The following RTN1 variants were observed in gnomAD, a reference collection of about 807,000 sequenced individuals.
The protein encoded by RTN1 is reticulon-1.
RTN1 carries 25 observed loss-of-function variants against 65.5 expected under a neutral mutation model. That is an observed-to-expected ratio of 0.38 (90% CI 0.28 to 0.53). The LOEUF (loss-of-function observed/expected upper bound fraction) is 0.53, where lower values mean the gene tolerates loss of function less well. Ranked by LOEUF, RTN1 falls within the 20% of genes least tolerant of loss-of-function variation. The pLI, the probability that RTN1 is intolerant of heterozygous loss-of-function variation, is 0.79. For missense variants in RTN1, 983 were observed against 1,025.4 expected (o/e 0.96, Z 0.57); for synonymous variants, 471 against 447.6 (o/e 1.05, Z -0.66).
chr14:59,711,118 AT>A (rs1884410198), intron 3 of RTN1, among the ~76,000 whole-genome samples: 1 of 152,166 alleles, frequency 6.6e-6, no homozygotes, highest in Non-Finnish European at 1.5e-5. Context: ...CTTGTTTTTA[AT>A]TGGGTTCTGC....
chr14:59,834,981 C>T (rs1194359567), intron 1 of RTN1, among the ~76,000 whole-genome samples: 1 of 152,160 alleles, frequency 6.6e-6, no homozygotes, highest in Non-Finnish European at 1.5e-5. Flanking sequence ...ACTTTATGAT[C>T]CAGCCATTCT....
chr14:59,652,905 G>A (rs1235635946), intron 3 of RTN1, among the ~76,000 whole-genome samples: 16 of 151,584 alleles, frequency 1.1e-4, no homozygotes, highest in East Asian at 5.8e-4. Context: ...AAAGAAAAAC[G>A]AAAAAAGTAC....
intron 1 of RTN1, among the ~76,000 whole-genome samples, chr14:59,748,145 CA>C (rs1566710232): frequency 6.7e-6 from 1 of 150,108 alleles, no homozygotes; most frequent in Non-Finnish European, 1.5e-5. Flanking sequence ...GATTCACACC[CA>C]AGTAACCTGG....
intron 1 of RTN1, among the ~76,000 whole-genome samples, chr14:59,767,938 T>A (rs186364773): frequency 1.3e-5 from 2 of 152,336 alleles, no homozygotes; most frequent in African/African-American, 4.8e-5. Context: ...AACCAGCCAG[T>A]GACAATCGTA....
chr14:59,687,042 T>C (rs1378535798), intron 3 of RTN1, among the ~76,000 whole-genome samples: 1 of 152,158 alleles, frequency 6.6e-6, no homozygotes, highest in Non-Finnish European at 1.5e-5. Context: ...GGAATTGTGC[T>C]TTCTCCTGTT....
At chr14:59,632,206 C>T (rs1882570344) in intron 3 of RTN1, among the ~76,000 whole-genome samples, 1 of 152,132 alleles carries the variant, frequency 6.6e-6, no homozygotes, top group Admixed American at 6.5e-5. Context: ...AGAGCTCCCA[C>T]AGGGCTGATG....
At chr14:59,820,548 C>A (rs1886925687) in intron 1 of RTN1, among the ~76,000 whole-genome samples, 1 of 151,900 alleles carries the variant, frequency 6.6e-6, no homozygotes, top group African/African-American at 2.4e-5. Flanking sequence ...ACACTTAAGT[C>A]TTTAATTCAT....
intron 1 of RTN1, among the ~76,000 whole-genome samples, chr14:59,759,652 T>C (rs11628085): frequency 0.46 from 69,955 of 151,414 alleles, 17,994 homozygotes; most frequent in African/African-American, 0.7. Context: ...AAGGGGAAGT[T>C]CCCCTAATAT....
intron 3 of RTN1, among the ~76,000 whole-genome samples, chr14:59,611,752 A>G (rs563972399): frequency 6.6e-6 from 1 of 152,224 alleles, no homozygotes; most frequent in Non-Finnish European, 1.5e-5. Flanking sequence ...TTTCTCAGAC[A>G]GAGAATAGGA....
rs559130299 is a variant in RTN1 at position 59,748,397 on chromosome 14, T to C, written c.242-1916A>G. 5.3e-5 allele frequency among the ~76,000 whole-genome samples: 8 copies of C among 152,106 alleles called. No individual in the cohort carries two copies. The South Asian group carries it at 1.2e-3, about 24-fold the overall frequency. ...CAGCGGCTTTGCACTAGCTGTTTCC[T>C]TTTCTTGGAACTCTCTTCTCCTAGA... On this transcript the variant is annotated intron_variant, in intron 1 of 8. Coordinates refer to ENST00000267484, the MANE Select transcript of RTN1 (RefSeq NM_021136.3).
intron 1 of RTN1, among the ~76,000 whole-genome samples, chr14:59,784,488 T>TATTG (rs1313248236): frequency 6.6e-6 from 1 of 152,114 alleles, no homozygotes; most frequent in Non-Finnish European, 1.5e-5. Context: ...CAACTTTAAT[T>TATTG]ATTGCATCTA....
At chr14:59,734,996 G>A (rs901110626) in intron 2 of RTN1, among the ~76,000 whole-genome samples, 14 of 151,986 alleles carry the variant, frequency 9.2e-5, no homozygotes, top group Non-Finnish European at 1.5e-5. Flanking sequence ...AGAAAGACCA[G>A]GACATCTATA....
intron 1 of RTN1, among the ~76,000 whole-genome samples, chr14:59,781,464 C>G (rs905054580): frequency 6.6e-6 from 1 of 151,930 alleles, no homozygotes; most frequent in Admixed American, 6.6e-5. Flanking sequence ...GGAACATAAA[C>G]TTAAAATATG....
intron 1 of RTN1, among the ~76,000 whole-genome samples, chr14:59,834,517 GA>G (rs1887181118): frequency 6.6e-6 from 1 of 151,936 alleles, no homozygotes; most frequent in African/African-American, 2.4e-5. Flanking sequence ...TCAATAATAA[GA>G]AAAAAATCTA....
In RTN1 at chr14:59,830,527, G is replaced by T. The variant is rs1009444103; in HGVS notation, c.241+39863C>A. 6.8e-4 allele frequency among the ~76,000 whole-genome samples: 103 copies of T among 152,312 alleles called. 3 individuals carry two copies. The highest frequency in any genetic ancestry group is 2.1e-4 in the Non-Finnish European group (14 of 68,028). Reference sequence around the variant, plus strand: ...GAAAGAACCAGATGCCTACTAGAGAGGTGCCTCCTACAGGTTGTGTGACTC... The same window carrying T: ...GAAAGAACCAGATGCCTACTAGAGATGTGCCTCCTACAGGTTGTGTGACTC... On this transcript the variant is annotated intron_variant, in intron 1 of 8. Transcript: ENST00000267484.
intron 3 of RTN1, among the ~76,000 whole-genome samples, chr14:59,612,179 T>G (rs1302647488): frequency 6.6e-6 from 1 of 152,184 alleles, no homozygotes; most frequent in Non-Finnish European, 1.5e-5. Context: ...TTAATTCGGT[T>G]CCCCTTGCAG....
At chr14:59,624,552 C>G (rs186247488) in intron 3 of RTN1, among the ~76,000 whole-genome samples, 1 of 151,950 alleles carries the variant, frequency 6.6e-6, no homozygotes, top group Non-Finnish European at 1.5e-5. Flanking sequence ...ACCTCTGCCC[C>G]CTGGGTTCAA....
chr14:59,630,922 C>T (rs1340117782), intron 3 of RTN1: 1 of 812,202 alleles, frequency 1.2e-6, no homozygotes, highest in Non-Finnish European at 1.5e-6. Flanking sequence ...CCTGGGAGTT[C>T]TTGACTCCCA....
At chr14:59,785,569 C>T (rs962382052) in intron 1 of RTN1, among the ~76,000 whole-genome samples, 1 of 152,210 alleles carries the variant, frequency 6.6e-6, no homozygotes, top group Non-Finnish European at 1.5e-5. Flanking sequence ...ATCTGGCTTG[C>T]ATATCAAATG....
Sources: gnomAD v4.1 joint callset for allele counts (sites outside exome capture counted in the v4.1 genomes callset) on GRCh38, gnomAD v4.1.1 for gene constraint, MANE v1.5 for transcripts, NCBI Gene and HGNC (gene_info 2026-07-23, HGNC 2026-07-21) for gene names.